Variants in GPC1 observed in about 807,000 individuals in gnomAD.
GPC1 encodes the protein glypican 1.
GPC1 carries 26 observed loss-of-function variants against 51.5 expected under a neutral mutation model. That is an observed-to-expected ratio of 0.50 (90% CI 0.37 to 0.70). The LOEUF is 0.70. Among genes scored for constraint, GPC1 ranks in the 30% least tolerant of loss-of-function variants. GPC1 has a pLI of 0.00. For missense variants in GPC1, 775 were observed against 800.5 expected (o/e 0.97, Z 0.38); for synonymous variants, 380 against 348.3 (o/e 1.09, Z -1.01).
intron 1 of GPC1, among the ~76,000 whole-genome samples, chr2:240,455,616 T>G (rs1435742422): frequency 6.6e-6 from 1 of 152,036 alleles, no homozygotes; most frequent in East Asian, 1.9e-4. Flanking sequence ...CCCCAGGTGT[T>G]GAGCTGAGAG....
rs909950509 is a variant in GPC1 at position 240,458,897 on chromosome 2, C to T, written c.167-133C>T. On this transcript the variant is annotated intron_variant, in intron 1 of 8. Transcript: ENST00000264039. ...ACCACTTCTGCCTTCACCCAGGGCA[C>T]CCCCCAGGCTGGCCCACCCCTGAGC... The T allele has an allele frequency of 1.2e-5, 9 of 726,406 alleles. No individual in the cohort carries two copies. The African/African-American group carries it at 1.4e-4, about 11-fold the overall frequency. 45.0% of individuals were successfully genotyped at this position (726,406 alleles called of 1,614,324 possible).
rs373103881 is a variant in GPC1 at position 240,463,349 on chromosome 2, C to A, written c.720C>A (p.Val240=). Reference sequence around the variant, plus strand: ...GCTTAGGGTCCCTTGCTCCCCAGGTCCCCCTGGGCCCGGAGTGCTCGAGAG... The same window carrying A: ...GCTTAGGGTCCCTTGCTCCCCAGGTACCCCTGGGCCCGGAGTGCTCGAGAG... The part of the protein sequence containing the change: ...ASDVVRKVAQ[V]PLGPECSRAV... Residue 240 remains valine (V), a splice_region_variant and synonymous_variant, in exon 4 of 9, where the codon GTC becomes GTA. Transcript: ENST00000264039. The A allele has an allele frequency of 1.9e-6, 3 of 1,612,020 alleles. No individual in the cohort carries two copies. The highest frequency in any genetic ancestry group is 1.3e-5 in the African/African-American group (1 of 74,888).
intron 1 of GPC1, chr2:240,450,667 G>A (rs774194597): frequency 1.7e-5 from 8 of 470,472 alleles, no homozygotes; most frequent in Non-Finnish European, 3.5e-5. Flanking sequence ...TTCCTCTGGG[G>A]AGGAGGTGCT....
intron 1 of GPC1, chr2:240,458,075 C>A (rs1430112355): frequency 2.1e-6 from 1 of 470,906 alleles, no homozygotes; most frequent in Admixed American, 2.3e-5. Context: ...CAGCCGGAAC[C>A]ACTTGCCCCC....
intron 2 of GPC1, among the ~76,000 whole-genome samples, chr2:240,460,515 G>A (rs2074207327): frequency 6.6e-6 from 1 of 152,006 alleles, no homozygotes; most frequent in South Asian, 2.1e-4. Flanking sequence ...TAATACCCTT[G>A]CCCATCACAC....
chr2:240,450,981 T>C (rs1205349036), intron 1 of GPC1: 4 of 376,562 alleles, frequency 1.1e-5, no homozygotes, highest in African/African-American at 2.5e-5. Context: ...CACAGCTGGG[T>C]GGGGTGACTG....
chr2:240,466,241 C>T lies in GPC1; in HGVS notation c.1628C>T (p.Pro543Leu), dbSNP rs199588606. 5.6e-6 allele frequency: 9 copies of T among 1,611,610 alleles called. No individual in the cohort carries two copies. The highest frequency in any genetic ancestry group is 2.2e-5 in the East Asian group (1 of 44,858). The change falls in exon 9 of 9, where the codon CCC becomes CTC. Residue 543 changes from proline (P) to leucine (L), a missense_variant. By Grantham distance (98) the Pro-to-Leu change is moderately conservative (BLOSUM62 -3). Transcript: ENST00000264039. ...CCCCAGCCCCCGACCTTCCTCCTGC[C>T]CCTCCTCCTCTTCCTGGCCCTTACA... The part of the protein sequence containing the change: ...SCPQPPTFLL[P>L]LLLFLALTVA...
Position 240,438,478 on chromosome 2 carries a change from C to T in GPC1, c.166+2394C>T, listed in dbSNP as rs141427434. 5.8e-4 allele frequency among the ~76,000 whole-genome samples: 88 copies of T among 152,290 alleles called. No homozygotes were observed. In the East Asian group the frequency reaches 0.014, roughly 24 times the overall value. On this transcript the variant is annotated intron_variant, in intron 1 of 8. Coordinates refer to ENST00000264039, the MANE Select transcript of GPC1 (RefSeq NM_002081.3). ...TGGGCGGCAGATCCTCCCAGGAGCC[C>T]TGGACCCTCTGTGGCCTAGTAGGCA...
At chr2:240,463,591 C>G in intron 4 of GPC1, 79 bp downstream of exon 4, 1 of 1,287,090 alleles carries the variant, frequency 7.8e-7, no homozygotes, top group African/African-American at 1.5e-5. Context: ...CGGGTGGTCC[C>G]TAGCTTAGAG....
intron 8 of GPC1, 130 bp from the exon 9 acceptor site, chr2:240,465,928 C>T: frequency 6.2e-6 from 4 of 642,514 alleles, no homozygotes; most frequent in South Asian, 5.6e-5. Flanking sequence ...CAGCGGGGAT[C>T]AGGTGCTGCT....
At chr2:240,454,344 C>T (rs1375143856) in intron 1 of GPC1, among the ~76,000 whole-genome samples, 1 of 152,152 alleles carries the variant, frequency 6.6e-6, no homozygotes, top group African/African-American at 2.4e-5. Flanking sequence ...GTCGTTTGTC[C>T]AGTGCACCCT....
chr2:240,441,609 G>T (rs2074017476), intron 1 of GPC1, among the ~76,000 whole-genome samples: 1 of 152,352 alleles, frequency 6.6e-6, no homozygotes, highest in Non-Finnish European at 1.5e-5. Context: ...TGGGGCCCGG[G>T]ATCTTGCCCA....
chr2:240,463,491 G>C lies in GPC1; in HGVS notation c.862G>C (p.Ala288Pro). 1.9e-6 allele frequency: 3 copies of C among 1,612,898 alleles called. No individual in the cohort carries two copies. Among genetic ancestry groups the C allele is most frequent in the African/African-American group, 2.7e-5 (2 of 75,050 alleles). The change falls in exon 4 of 9, where the codon GCC becomes CCC. Residue 288 changes from alanine to proline, a missense_variant. Coordinates refer to ENST00000264039, the MANE Select transcript of GPC1 (RefSeq NM_002081.3). ...GCLANQADLD[A>P]EWRNLLDSMV... ...CCTTGCCAACCAGGCCGACCTGGAC[G>C]CCGAGTGGAGGAACCTCCTGGGTGA... is the stretch of plus-strand genomic sequence containing the variant.
intron 1 of GPC1, among the ~76,000 whole-genome samples, chr2:240,442,943 T>C (rs2074027716): frequency 6.6e-6 from 1 of 152,200 alleles, no homozygotes; most frequent in Non-Finnish European, 1.5e-5. Context: ...CCTGAGGCGC[T>C]CTCTGGGCAC....
intron 1 of GPC1, chr2:240,458,752 C>T (rs2074191734): frequency 4.8e-6 from 2 of 413,238 alleles, no homozygotes; most frequent in South Asian, 5.5e-5. Flanking sequence ...GCTGGGACAG[C>T]AGGCTGGGGG....
At chr2:240,463,932 C>T (rs547352934) in intron 4 of GPC1, 35 of 239,992 alleles carry the variant, frequency 1.5e-4, no homozygotes, top group Admixed American at 5.1e-4. Context: ...ACCAGTACAG[C>T]GTGTGCTCCT....
At chr2:240,441,010 G>T (rs946199038) in intron 1 of GPC1, among the ~76,000 whole-genome samples, 2 of 152,290 alleles carry the variant, frequency 1.3e-5, no homozygotes, top group African/African-American at 4.8e-5. Flanking sequence ...TAGTGGACAG[G>T]TACCCTATTC....
chr2:240,448,028 G>A lies in GPC1; in HGVS notation c.167-11002G>A, dbSNP rs34174647. ...AAGAGTTGCTGCCAGGCCATTCTGG[G>A]TGGAACACAGTGTCCCCAGGGCACA... On this transcript the variant is annotated intron_variant, in intron 1 of 8. Transcript: ENST00000264039. This position sits in a 1 kb window ranked among gnomAD's most constrained non-coding sequence, Gnocchi z 4.5. Among the ~76,000 whole-genome samples the A allele has an allele frequency of 0.085, 12,905 of 152,248 alleles. 735 individuals carry two copies. The highest frequency in any genetic ancestry group is 0.12 in the Non-Finnish European group (8,285 of 67,992).
chr2:240,439,843 T>C (rs1391147129), intron 1 of GPC1, among the ~76,000 whole-genome samples: 2 of 152,180 alleles, frequency 1.3e-5, no homozygotes, highest in Non-Finnish European at 2.9e-5. Context: ...GTCGCTGCTC[T>C]TCCCTCCATG....
Sources: gnomAD v4.1 joint callset for allele counts (sites outside exome capture counted in the v4.1 genomes callset) on GRCh38, gnomAD v4.1.1 for gene constraint, Gnocchi (gnomAD v3.1) non-coding constraint, MANE v1.5 for transcripts, NCBI Gene and HGNC (gene_info 2026-07-23, HGNC 2026-07-21) for gene names.